PADI3: variants seen among roughly 807,000 people sequenced by gnomAD.
PADI3 encodes the protein peptidyl arginine deiminase 3.
In PADI3, 53 loss-of-function variants were observed where a neutral mutation model predicts 71.5. That is an observed-to-expected ratio of 0.74 (90% CI 0.59 to 0.93). PADI3 has a LOEUF of 0.93. PADI3 is among the 40% of genes least tolerant of loss of function. The probability of loss-of-function intolerance (pLI) is 0.00; values close to 1 mark genes in which losing one functional copy is unlikely to be tolerated. For synonymous variants in PADI3, 361 were observed against 347.5 expected, an observed-to-expected ratio of 1.04 and a Z score of -0.43; for missense variants, 821 against 868.0, an observed-to-expected ratio of 0.95 and a Z score of 0.68.
At position 17,263,151 on chromosome 1, in the gene PADI3, T is replaced by G. The variant is rs540840359; in HGVS notation, c.346+946T>G. Among the ~76,000 whole-genome samples, 4 of 152,324 alleles carry G rather than the reference T, an allele frequency of 2.6e-5. No homozygotes were observed. In the East Asian group the frequency reaches 5.8e-4, roughly 22 times the overall value. ...CTGGTCTTGAACTCCTGACCTCAGA[T>G]GATCTGCCTGCCTCGGCATCCCAAA... is the stretch of plus-strand genomic sequence containing the variant. On this transcript the variant is annotated intron_variant, in intron 3 of 15. Transcript: ENST00000375460.
chr1:17,282,426 C>T (rs2073413302), intron 15 of PADI3, among the ~76,000 whole-genome samples: 1 of 152,162 alleles, frequency 6.6e-6, no homozygotes, highest in African/African-American at 2.4e-5. Flanking sequence ...TGGCCATGCA[C>T]AGAGACACTG....
At chr1:17,276,407 T>A (rs2073330737) in intron 11 of PADI3, 112 bp from the exon 12 acceptor site, 1 of 986,376 alleles carries the variant, frequency 1.0e-6, no homozygotes, top group Non-Finnish European at 1.5e-6. Context: ...TAATGCATGT[T>A]TTTTTGTTTT....
chr1:17,274,262 A>G (rs1272494075), intron 10 of PADI3, among the ~76,000 whole-genome samples: 1 of 152,128 alleles, frequency 6.6e-6, no homozygotes, highest in Non-Finnish European at 1.5e-5. Context: ...GGTTCCCACA[A>G]TTGGCCACTT....
At chr1:17,265,400 G>T (rs2073154503) in intron 3 of PADI3, among the ~76,000 whole-genome samples, 3 of 151,054 alleles carry the variant, frequency 2.0e-5, no homozygotes, top group South Asian at 2.1e-4. Context: ...GGACTGCAAG[G>T]GCTGCAGGGA....
intron 1 of PADI3, among the ~76,000 whole-genome samples, chr1:17,251,543 T>C (rs4920578): frequency 0.08 from 12,174 of 152,296 alleles, 582 homozygotes; most frequent in South Asian, 0.2. Flanking sequence ...GTTAACTAAT[T>C]CTCACAAAAT....
At chr1:17,276,301 C>T (rs1241425649) in intron 11 of PADI3, among the ~76,000 whole-genome samples, 1 of 152,156 alleles carries the variant, frequency 6.6e-6, no homozygotes, top group Non-Finnish European at 1.5e-5. Flanking sequence ...CACGCCACTG[C>T]ACTCCAGCCT....
chr1:17,252,384 G>A (rs2100553365), intron 1 of PADI3, among the ~76,000 whole-genome samples: 1 of 144,622 alleles, frequency 6.9e-6, no homozygotes, highest in East Asian at 2.1e-4. Context: ...GAAGAAAGCT[G>A]CTTTCTTTTC....
At chr1:17,272,514 T>C (rs1267057045) in intron 9 of PADI3, among the ~76,000 whole-genome samples, 1 of 152,186 alleles carries the variant, frequency 6.6e-6, no homozygotes, top group African/African-American at 2.4e-5. Context: ...TTTGAATTTA[T>C]TTTTCTTTTT....
intron 2 of PADI3, among the ~76,000 whole-genome samples, chr1:17,260,191 C>G (rs765932700): frequency 6.6e-6 from 1 of 152,084 alleles, no homozygotes; most frequent in African/African-American, 2.4e-5. Context: ...AAAGCAGGGA[C>G]AGGGGAGGGA....
chr1:17,276,515 C>T lies in PADI3; in HGVS notation c.1308-4C>T. On this transcript the variant is annotated splice_region_variant and splice_polypyrimidine_tract_variant and intron_variant, in intron 11 of 15. Transcript: ENST00000375460. ...AACTTTTTTTTTAACCTCGTGGGTC[C>T]CAGGTCAAGTGGCCGCAGGGTCACC... 6.2e-7 allele frequency: 1 copy of T among 1,613,752 alleles called. No homozygotes were observed. Among genetic ancestry groups the T allele is most frequent in the Non-Finnish European group, 8.5e-7 (1 of 1,179,972 alleles).
intron 6 of PADI3, among the ~76,000 whole-genome samples, chr1:17,268,231 C>A (rs1295625890): frequency 3.3e-5 from 5 of 152,172 alleles, no homozygotes; most frequent in African/African-American, 9.7e-5. Flanking sequence ...AAATTCTTAT[C>A]AAAAATTTCA....
chr1:17,260,970 TA>T (rs1401502425), intron 2 of PADI3, among the ~76,000 whole-genome samples: 1 of 152,204 alleles, frequency 6.6e-6, no homozygotes, highest in African/African-American at 2.4e-5. Context: ...TCACCCGCCA[TA>T]TACCCCTGCT....
chr1:17,279,224 G>A (rs531600164), intron 13 of PADI3, among the ~76,000 whole-genome samples: 36 of 152,272 alleles, frequency 2.4e-4, no homozygotes, highest in South Asian at 4.2e-4. Flanking sequence ...TGACTGTGGC[G>A]ATTAATTACA....
At chr1:17,263,487 T>C (rs923020428) in intron 3 of PADI3, among the ~76,000 whole-genome samples, 2 of 151,978 alleles carry the variant, frequency 1.3e-5, no homozygotes, top group Non-Finnish European at 2.9e-5. Context: ...CACACCATAC[T>C]CAAAAATAAA....
intron 3 of PADI3, 34 bp downstream of exon 3, chr1:17,262,239 G>C (rs767446269): frequency 1.3e-6 from 2 of 1,513,006 alleles, no homozygotes; most frequent in Admixed American, 4.1e-5. Context: ...GTGTGGCCAA[G>C]GGCACATTTG....
intron 2 of PADI3, among the ~76,000 whole-genome samples, chr1:17,261,029 A>G (rs1346455178): frequency 1.3e-5 from 2 of 152,178 alleles, no homozygotes; most frequent in Non-Finnish European, 2.9e-5. Flanking sequence ...TGTTTGAGGC[A>G]AGCATCACTG....
At chr1:17,262,454 A>G (rs1374195520) in intron 3 of PADI3, among the ~76,000 whole-genome samples, 1 of 152,182 alleles carries the variant, frequency 6.6e-6, no homozygotes, top group Non-Finnish European at 1.5e-5. Context: ...TGCTTTTGCC[A>G]GCTTAAAGTT....
At chr1:17,252,595 G>T (rs889102550) in intron 1 of PADI3, among the ~76,000 whole-genome samples, 1 of 151,988 alleles carries the variant, frequency 6.6e-6, no homozygotes, top group Admixed American at 6.6e-5. Flanking sequence ...GTAGAGATGG[G>T]GTTTTGCCAT....
rs540436879 is a variant in PADI3, at chr1:17,250,919, G to T, written c.92+1690G>T. Among the ~76,000 whole-genome samples the T allele has an allele frequency of 3.9e-5, 6 of 152,316 alleles. No homozygotes were observed. In the South Asian group the frequency reaches 1.2e-3, roughly 32 times the overall value. Reference sequence around the variant, plus strand: ...AAGAGATAAAGGCCATAGCTTCCTGGAGTCACCTGAGCCACACTGGAGGTT... The same window carrying T: ...AAGAGATAAAGGCCATAGCTTCCTGTAGTCACCTGAGCCACACTGGAGGTT... On this transcript the variant is annotated intron_variant, in intron 1 of 15. Coordinates refer to ENST00000375460, the MANE Select transcript of PADI3 (RefSeq NM_016233.2).
Sources: allele counts gnomAD v4.1 joint callset (sites outside exome capture counted in the v4.1 genomes callset), GRCh38; gene constraint gnomAD v4.1.1; transcripts MANE v1.5; gene names NCBI Gene and HGNC (gene_info 2026-07-23, HGNC 2026-07-21).